Variants in CHST8 observed in about 807,000 individuals in gnomAD.
CHST8 encodes the protein GALNAC-4-ST1.
CHST8 carries 10 observed loss-of-function variants against 15.0 expected under a neutral mutation model. The observed-to-expected ratio is 0.67, with a 90% CI of 0.41 to 1.13. The LOEUF is 1.13. Ranked by LOEUF, CHST8 falls within the 50% of genes most tolerant of loss-of-function variation. The probability of loss-of-function intolerance (pLI) is 0.00; values close to 1 mark genes in which losing one functional copy is unlikely to be tolerated. For synonymous variants in CHST8, 259 were observed against 256.6 expected (o/e 1.01, Z -0.09); for missense variants, 634 against 608.2 (o/e 1.04, Z -0.45).
intron 2 of CHST8, among the ~76,000 whole-genome samples, chr19:33,671,575 T>C (rs1450564223): frequency 2.0e-5 from 3 of 152,146 alleles, no homozygotes; most frequent in African/African-American, 4.8e-5. Context: ...CCAGACACAC[T>C]GGGTGTCAAG....
intron 2 of CHST8, among the ~76,000 whole-genome samples, chr19:33,677,314 T>C (rs143291948): frequency 1.4e-3 from 219 of 152,242 alleles, no homozygotes; most frequent in Admixed American, 2.2e-3. Flanking sequence ...ATCATAATGG[T>C]TTACACCTCT....
At chr19:33,693,469 T>A (rs561383156) in intron 3 of CHST8, among the ~76,000 whole-genome samples, 1 of 152,354 alleles carries the variant, frequency 6.6e-6, no homozygotes, top group South Asian at 2.1e-4. Context: ...TATAATTACC[T>A]TTATTTCCAA....
At chr19:33,717,715 G>A (rs1172708897) in intron 3 of CHST8, among the ~76,000 whole-genome samples, 3 of 152,232 alleles carry the variant, frequency 2.0e-5, no homozygotes, top group East Asian at 1.9e-4. Flanking sequence ...ATACAGCGAG[G>A]TCCTAGGAGA....
intron 1 of CHST8, among the ~76,000 whole-genome samples, chr19:33,634,677 C>CAAAAAAAAA (rs3040761): frequency 9.6e-5 from 5 of 52,346 alleles, no homozygotes; most frequent in African/African-American, 1.6e-4. Context: ...GTCACGAAAC[C>CAAAAAAAAA]AAAAAAAAAA....
chr19:33,636,030 G>A (rs1292232600), intron 1 of CHST8, among the ~76,000 whole-genome samples: 1 of 149,814 alleles, frequency 6.7e-6, no homozygotes, highest in Non-Finnish European at 1.5e-5. Context: ...TTTTTGGTGG[G>A]AAGACAGATT....
At chr19:33,633,305 G>C (rs906199304) in intron 1 of CHST8, among the ~76,000 whole-genome samples, 1 of 152,172 alleles carries the variant, frequency 6.6e-6, no homozygotes, top group East Asian at 1.9e-4. Context: ...CCAGTTTCTT[G>C]TTGATTGGCA....
chr19:33,627,925 CCAGA>C (rs1186753151), intron 1 of CHST8, among the ~76,000 whole-genome samples: 2 of 152,198 alleles, frequency 1.3e-5, no homozygotes, highest in African/African-American at 2.4e-5. Flanking sequence ...TCATTTTCTG[CCAGA>C]CAAAGACATT....
chr19:33,717,196 C>T (rs929285708), intron 3 of CHST8, among the ~76,000 whole-genome samples: 6 of 152,160 alleles, frequency 3.9e-5, no homozygotes, highest in African/African-American at 1.4e-4. Flanking sequence ...TGAGGTGGCT[C>T]ATGCTTATAA....
chr19:33,683,569 A>G (rs1209188966), intron 2 of CHST8, among the ~76,000 whole-genome samples: 1 of 152,124 alleles, frequency 6.6e-6, no homozygotes, highest in Non-Finnish European at 1.5e-5. Context: ...AGGAAAACAA[A>G]CCCTCAGCTC....
rs983016147 is a variant in CHST8, at chr19:33,645,680, C to A, written c.-163-22087C>A. Among the ~76,000 whole-genome samples the A allele has an allele frequency of 1.4e-4, 22 of 152,234 alleles. 1 individual carries two copies. The highest frequency in any genetic ancestry group is 2.8e-4 in the Non-Finnish European group (19 of 68,014). ...GGATTTAGGATGTCCAGTACACATG[C>A]AATGGCAGATGTTGAATATTTGGTT... On this transcript the variant is annotated intron_variant, in intron 1 of 4. Coordinates refer to ENST00000650847, the MANE Select transcript of CHST8 (RefSeq NM_001127895.2).
chr19:33,682,730 A>G (rs1292917658), intron 2 of CHST8, among the ~76,000 whole-genome samples: 1 of 152,250 alleles, frequency 6.6e-6, no homozygotes, highest in East Asian at 1.9e-4. Context: ...ATGTGTTGCT[A>G]TCATTGACTT....
chr19:33,743,683 T>C (rs1158832641), intron 3 of CHST8, among the ~76,000 whole-genome samples: 1 of 152,216 alleles, frequency 6.6e-6, no homozygotes, highest in East Asian at 1.9e-4. Context: ...TAGCAGCATG[T>C]CTGCATCGTC....
At chr19:33,720,591 C>A (rs1973770400) in intron 3 of CHST8, among the ~76,000 whole-genome samples, 1 of 152,236 alleles carries the variant, frequency 6.6e-6, no homozygotes, top group African/African-American at 2.4e-5. Flanking sequence ...TCTCTGCCAG[C>A]CCTGGCATCT....
At chr19:33,771,319 G>C (rs1273297684) in intron 3 of CHST8, 94 bp from the exon 4 acceptor site, 1 of 1,261,702 alleles carries the variant, frequency 7.9e-7, no homozygotes, top group African/African-American at 1.5e-5. Flanking sequence ...GATCCCTCCA[G>C]CCTGGATGTC....
intron 3 of CHST8, among the ~76,000 whole-genome samples, chr19:33,728,956 C>T (rs1973949617): frequency 6.6e-6 from 1 of 152,206 alleles, no homozygotes; most frequent in Non-Finnish European, 1.5e-5. Context: ...TGGACCACAT[C>T]TGAGTCCTGC....
At chr19:33,728,715 G>A (rs1319207906) in intron 3 of CHST8, among the ~76,000 whole-genome samples, 1 of 152,208 alleles carries the variant, frequency 6.6e-6, no homozygotes, top group Non-Finnish European at 1.5e-5. Flanking sequence ...AGGTGCTTAG[G>A]AGGGGGAGGT....
At chr19:33,743,993 G>T (rs944398110) in intron 3 of CHST8, among the ~76,000 whole-genome samples, 1 of 151,882 alleles carries the variant, frequency 6.6e-6, no homozygotes, top group African/African-American at 2.4e-5. Flanking sequence ...GTTTCACCAT[G>T]TTGACCAGGC....
chr19:33,706,143 C>T lies in CHST8; in HGVS notation c.130+16752C>T, dbSNP rs75687605. ...AAAAGTCTGAAGTCTTCTTGGTGAC[C>T]GGACAACCACTCAGGGCTGGGAGCA... On this transcript the variant is annotated intron_variant, in intron 3 of 4. Coordinates refer to ENST00000650847, the MANE Select transcript of CHST8 (RefSeq NM_001127895.2). 2.8e-3 allele frequency among the ~76,000 whole-genome samples: 429 copies of T among 152,290 alleles called. 13 individuals carry two copies. In the East Asian group the frequency reaches 0.072, roughly 26 times the overall value.
chr19:33,757,249 G>T (rs1974563887), intron 3 of CHST8, among the ~76,000 whole-genome samples: 1 of 151,290 alleles, frequency 6.6e-6, no homozygotes, highest in African/African-American at 2.4e-5. Flanking sequence ...ATTTAGCCAG[G>T]TGTGGTGGCG....
Sources: allele counts gnomAD v4.1 joint callset (sites outside exome capture counted in the v4.1 genomes callset), GRCh38; gene constraint gnomAD v4.1.1; transcripts MANE v1.5; gene names NCBI Gene and HGNC (gene_info 2026-07-23, HGNC 2026-07-21).